The following ZFHX3 variants were observed in gnomAD, a reference collection of about 807,000 sequenced individuals.
ZFHX3 encodes the protein zinc finger homeobox protein 3.
In ZFHX3, 42 loss-of-function variants were observed where a neutral mutation model predicts 279.1. The observed-to-expected ratio is 0.15, with a 90% CI of 0.12 to 0.19. ZFHX3 has a LOEUF of 0.19. ZFHX3 is among the 10% of genes least tolerant of loss of function. The pLI is 1.00. For missense variants in ZFHX3, 4,981 were observed against 4,754.0 expected (o/e 1.05, Z -1.40); for synonymous variants, 2,293 against 1,957.8 (o/e 1.17, Z -4.52).
At chr16:72,981,409 T>A (rs997747518) in intron 1 of ZFHX3, among the ~76,000 whole-genome samples, 1 of 152,204 alleles carries the variant, frequency 6.6e-6, no homozygotes. Flanking sequence ...TTAAGAAGAA[T>A]ATACATCCGT....
chr16:73,093,577 T>C (rs184465257), exon 8 of ZFHX3: 25 of 513,446 alleles, frequency 4.9e-5, no homozygotes, highest in Non-Finnish European at 7.8e-5. Context: ...CTTGTCTTCA[T>C]CTTGGGCTAA....
chr16:73,376,230 G>A (rs2016720585), intron 3 of ZFHX3, among the ~76,000 whole-genome samples: 1 of 152,198 alleles, frequency 6.6e-6, no homozygotes, highest in Admixed American at 6.5e-5. Flanking sequence ...ATATATTATA[G>A]AATGAAGTTT....
chr16:73,865,061 C>A (rs1291441316), intron 1 of ZFHX3, among the ~76,000 whole-genome samples: 1 of 152,194 alleles, frequency 6.6e-6, no homozygotes, highest in African/African-American at 2.4e-5. Flanking sequence ...AGGCTAGCTT[C>A]TTTATGCACA....
intron 6 of ZFHX3, among the ~76,000 whole-genome samples, chr16:73,141,711 T>G (rs1966848212): frequency 6.6e-6 from 1 of 152,102 alleles, no homozygotes; most frequent in Non-Finnish European, 1.5e-5. Flanking sequence ...CTAAATAAAT[T>G]TTCTCATTTA....
chr16:73,233,491 C>T (rs569933001), intron 5 of ZFHX3, among the ~76,000 whole-genome samples: 16 of 152,298 alleles, frequency 1.1e-4, no homozygotes, highest in Non-Finnish European at 2.1e-4. Context: ...GCAGAAGCTG[C>T]TGCAGGGTTA....
At chr16:73,739,676 A>C (rs935994622) in intron 1 of ZFHX3, among the ~76,000 whole-genome samples, 3 of 152,108 alleles carry the variant, frequency 2.0e-5, no homozygotes, top group African/African-American at 7.2e-5. Context: ...GGACTCCCAA[A>C]AGGGTGGGAG....
chr16:73,350,676 C>T (rs959733367), intron 3 of ZFHX3, among the ~76,000 whole-genome samples: 1 of 152,196 alleles, frequency 6.6e-6, no homozygotes, highest in African/African-American at 2.4e-5. Flanking sequence ...TCTCCTGCAT[C>T]CTGACCCTTC....
rs570106958 is a variant in ZFHX3 at position 73,440,387 on chromosome 16, C to A, written c.-1291+15616G>T. ...ACATGGGATGAGGTGATCAGACCAC[C>A]AATTTGGGAGACAGAAAACGAACAC... On this transcript the variant is annotated intron_variant, in intron 3 of 17. Transcript: ENST00000641206. Among the ~76,000 whole-genome samples, 616 of 152,268 alleles carry A rather than the reference C, an allele frequency of 4.0e-3. 4 individuals carry two copies. Among genetic ancestry groups the A allele is most frequent in the Non-Finnish European group, 7.6e-3 (519 of 68,020 alleles).
chr16:73,126,185 G>A (rs906429624), intron 7 of ZFHX3, among the ~76,000 whole-genome samples: 15 of 152,098 alleles, frequency 9.9e-5, no homozygotes, highest in Non-Finnish European at 1.9e-4. Context: ...GGAGGCTCTG[G>A]GAAGCCACTG....
At chr16:72,868,801 G>A (rs1201140420) in intron 4 of ZFHX3, among the ~76,000 whole-genome samples, 1 of 152,156 alleles carries the variant, frequency 6.6e-6, no homozygotes, top group Non-Finnish European at 1.5e-5. Flanking sequence ...TCAAGGCTCA[G>A]TAGCCCTCTG....
Position 72,794,242 on chromosome 16 carries a change from C to G in ZFHX3, c.8440G>C (p.Glu2814Gln). The G allele has an allele frequency of 1.9e-6, 3 of 1,614,182 alleles. No individual in the cohort carries two copies. Among genetic ancestry groups the G allele is most frequent in the Non-Finnish European group, 2.5e-6 (3 of 1,180,028 alleles). Reference sequence around the variant, plus strand: ...TTAACTGAGGACATGGAGGGGCTTTCAAAGTCTTCAATCCCTTCCACCTTA... The same window carrying G: ...TTAACTGAGGACATGGAGGGGCTTTGAAAGTCTTCAATCCCTTCCACCTTA... ...SIKVEGIEDFESPSMSSVNLN... is the reference protein window; with the variant it reads ...SIKVEGIEDFQSPSMSSVNLN... Residue 2814 changes from glutamate (E) to glutamine (Q), a missense_variant, in exon 9 of 10, where the codon GAA becomes CAA. By Grantham distance (29) the Glu-to-Gln change is conservative. This residue lies in a region of ZFHX3 where 744 missense variants were observed against 701.3 expected (regional missense o/e 1.06). Coordinates refer to ENST00000268489, the MANE Select transcript of ZFHX3 (RefSeq NM_006885.4). The surrounding 1 kb of genome is among the most constrained non-coding windows in gnomAD (Gnocchi z 4.2).
At chr16:73,067,007 C>T (rs1286846961) in intron 8 of ZFHX3, among the ~76,000 whole-genome samples, 8 of 152,122 alleles carry the variant, frequency 5.3e-5, no homozygotes, top group African/African-American at 4.8e-5. Context: ...GCCTCTGCAC[C>T]CCTCAGCCCC....
chr16:73,423,457 C>T (rs1034258584), intron 3 of ZFHX3, among the ~76,000 whole-genome samples: 9 of 152,120 alleles, frequency 5.9e-5, no homozygotes, highest in Admixed American at 2.6e-4. Context: ...CTGGTGAGAC[C>T]GGGCAGACTG....
At chr16:73,394,469 G>C (rs1360633066) in intron 3 of ZFHX3, among the ~76,000 whole-genome samples, 1 of 151,860 alleles carries the variant, frequency 6.6e-6, no homozygotes, top group Non-Finnish European at 1.5e-5. Flanking sequence ...CTAATTTTTT[G>C]TATTTTCAGT....
chr16:73,560,902 G>A (rs981922720), intron 2 of ZFHX3, among the ~76,000 whole-genome samples: 1 of 152,174 alleles, frequency 6.6e-6, no homozygotes, highest in African/African-American at 2.4e-5. Flanking sequence ...AAAAGACAGA[G>A]ACCTTGGAAG....
intron 3 of ZFHX3, among the ~76,000 whole-genome samples, chr16:73,436,070 C>A (rs1188406766): frequency 6.6e-6 from 1 of 152,210 alleles, no homozygotes; most frequent in Non-Finnish European, 1.5e-5. Context: ...TGGCTCACGC[C>A]TGTAATCTCA....
intron 2 of ZFHX3, among the ~76,000 whole-genome samples, chr16:73,532,109 A>C (rs1039221549): frequency 6.6e-6 from 1 of 151,982 alleles, no homozygotes; most frequent in Non-Finnish European, 1.5e-5. Context: ...AAAAAAAAAA[A>C]CAAAGACAGA....
intron 5 of ZFHX3, among the ~76,000 whole-genome samples, chr16:73,200,161 A>G (rs943540757): frequency 6.6e-6 from 1 of 152,196 alleles, no homozygotes; most frequent in Non-Finnish European, 1.5e-5. Context: ...AATAAAAACT[A>G]AAAAATGAAT....
intron 2 of ZFHX3, among the ~76,000 whole-genome samples, chr16:73,668,482 C>T (rs573000633): frequency 3.9e-5 from 6 of 152,070 alleles, no homozygotes; most frequent in African/African-American, 7.2e-5. Flanking sequence ...CAGACCCCAG[C>T]GTGTGATATT....
Sources: allele counts gnomAD v4.1 joint callset (sites outside exome capture counted in the v4.1 genomes callset), GRCh38; gene constraint gnomAD v4.1.1; regional missense constraint gnomAD v4.1.1; non-coding constraint Gnocchi (gnomAD v3.1); transcripts MANE v1.5; gene names NCBI Gene and HGNC (gene_info 2026-07-23, HGNC 2026-07-21).